Variants in SESN1 observed in about 807,000 individuals in gnomAD.
The protein encoded by SESN1 is sestrin-1.
In SESN1, 30 loss-of-function variants were observed where a neutral mutation model predicts 59.3. That is an observed-to-expected ratio of 0.51 (90% CI 0.38 to 0.69). The LOEUF (loss-of-function observed/expected upper bound fraction) is 0.69. Among genes scored for constraint, SESN1 ranks in the 30% least tolerant of loss-of-function variants. SESN1 has a pLI of 0.00. For missense variants in SESN1, 566 were observed against 673.0 expected, an observed-to-expected ratio of 0.84 and a Z score of 1.76; for synonymous variants, 197 against 219.9, an observed-to-expected ratio of 0.90 and a Z score of 0.92.
chr6:109,057,373 A>C (rs1161069496), intron 1 of SESN1, among the ~76,000 whole-genome samples: 2 of 152,234 alleles, frequency 1.3e-5, no homozygotes, highest in South Asian at 2.1e-4. Flanking sequence ...AGGATGGCAG[A>C]GGGCTTTTAT....
Position 108,985,882 on chromosome 6 carries a change from T to C in SESN1, c.*1662A>G. On this transcript the variant is annotated 3_prime_UTR_variant, in exon 10 of 10. Transcript: ENST00000436639. ...AGTAAGTTTCTTTAAATATAAAACA[T>C]ATTGAAGATAATAATACTCTATTCC... is the stretch of plus-strand genomic sequence containing the variant. Among the ~76,000 whole-genome samples, 1 of 152,214 alleles carries C rather than the reference T, an allele frequency of 6.6e-6. No individual in the cohort carries two copies. Among genetic ancestry groups the C allele is most frequent in the East Asian group, 1.9e-4 (1 of 5,184 alleles).
At chr6:109,061,372 T>A (rs1042844272) in intron 1 of SESN1, among the ~76,000 whole-genome samples, 7 of 152,254 alleles carry the variant, frequency 4.6e-5, no homozygotes, top group African/African-American at 1.7e-4. Flanking sequence ...ATAAAAATTT[T>A]AAATTTTGAA....
chr6:109,091,708 T>C (rs1398750466), intron 1 of SESN1, among the ~76,000 whole-genome samples: 4 of 152,258 alleles, frequency 2.6e-5, no homozygotes, highest in South Asian at 2.1e-4. Flanking sequence ...TTTACTTCTT[T>C]ATGGTCTGTT....
chr6:109,069,522 GAA>G (rs35964733), intron 1 of SESN1, among the ~76,000 whole-genome samples: 1 of 151,900 alleles, frequency 6.6e-6, no homozygotes, highest in East Asian at 1.9e-4. Flanking sequence ...TCATGGGCCA[GAA>G]AACTTAATTC....
chr6:108,987,738 A>T, intron 9 of SESN1, 108 bp from the exon 10 acceptor site: 1 of 591,466 alleles, frequency 1.7e-6, no homozygotes, highest in African/African-American at 1.9e-5. Flanking sequence ...TACACTTCCT[A>T]TGTAGTACAG....
chr6:109,064,190 C>A (rs536474305), intron 1 of SESN1, among the ~76,000 whole-genome samples: 38 of 152,118 alleles, frequency 2.5e-4, no homozygotes, highest in Non-Finnish European at 4.6e-4. Flanking sequence ...CCCCACTGCC[C>A]CCTTTTTTTC....
rs148045407 is a variant in SESN1 at position 109,053,046 on chromosome 6, A to ATGTG, written c.279+40745_279+40748dup. Among the ~76,000 whole-genome samples, 816 of 147,408 alleles carry ATGTG rather than the reference A, an allele frequency of 5.5e-3. 6 individuals are homozygous for ATGTG. Among genetic ancestry groups the ATGTG allele is most frequent in the African/African-American group, 0.02 (770 of 39,088 alleles). ...ATAAAAGGAGCTGTTCAAGACTAGG[A>ATGTG]TGTGTGTGTGTGTGTGTGTGCGTGC... On this transcript the variant is annotated intron_variant, in intron 1 of 9. Coordinates refer to ENST00000436639, the MANE Select transcript of SESN1 (RefSeq NM_014454.3).
At chr6:108,994,695 TATC>T in intron 5 of SESN1, 86 bp from the exon 6 acceptor site, 1 of 770,610 alleles carries the variant, frequency 1.3e-6, no homozygotes, top group Non-Finnish European at 1.8e-6. Flanking sequence ...TAAGAATTTA[TATC>T]TTTTTTTTTT....
chr6:108,987,539 A>T lies in SESN1; in HGVS notation c.*5T>A, dbSNP rs770953684. 2.0e-6 allele frequency: 3 copies of T among 1,523,534 alleles called. No individual in the cohort carries two copies. Among genetic ancestry groups the T allele is most frequent in the Non-Finnish European group, 2.7e-6 (3 of 1,099,194 alleles). 94.4% of individuals were successfully genotyped at this position (1,523,534 alleles called of 1,614,324 possible). On this transcript the variant is annotated 3_prime_UTR_variant, in exon 10 of 10. Transcript: ENST00000436639. The stretch of plus-strand genomic sequence containing the variant: ...TCCAGAATCATCTTTAATGAAGGAA[A>T]GGCATCAGGTCATATAGCGGGTAAT...
chr6:109,040,009 T>C (rs1206849422), intron 1 of SESN1, among the ~76,000 whole-genome samples: 1 of 152,206 alleles, frequency 6.6e-6, no homozygotes, highest in African/African-American at 2.4e-5. Context: ...TGAGAGAATG[T>C]GTATGGCTGA....
At chr6:109,075,608 ACAT>A (rs1375054597) in intron 1 of SESN1, among the ~76,000 whole-genome samples, 4 of 152,198 alleles carry the variant, frequency 2.6e-5, no homozygotes, top group African/African-American at 7.2e-5. Context: ...ACTGAATCTT[ACAT>A]CATCTGAATG....
At chr6:109,006,727 C>A (rs947195795) in intron 1 of SESN1, among the ~76,000 whole-genome samples, 3 of 152,154 alleles carry the variant, frequency 2.0e-5, no homozygotes, top group Non-Finnish European at 2.9e-5. Context: ...TTCTGGAAAA[C>A]TCACTTTTGA....
At chr6:109,080,141 TAG>T (rs1441104386) in intron 1 of SESN1, among the ~76,000 whole-genome samples, 2 of 152,142 alleles carry the variant, frequency 1.3e-5, no homozygotes, top group Non-Finnish European at 2.9e-5. Context: ...ACTTTTCCAC[TAG>T]AGTTACTTGT....
At chr6:108,988,856 AG>A (rs1779277582) in intron 8 of SESN1, among the ~76,000 whole-genome samples, 169 bp from the exon 9 acceptor site, 1 of 152,226 alleles carries the variant, frequency 6.6e-6, no homozygotes, top group Non-Finnish European at 1.5e-5. Context: ...GTGAGTATAA[AG>A]GGATAAGAAA....
At chr6:109,018,736 G>A (rs1049756577) in intron 1 of SESN1, among the ~76,000 whole-genome samples, 4 of 152,052 alleles carry the variant, frequency 2.6e-5, no homozygotes, top group Admixed American at 6.6e-5. Flanking sequence ...TAACTGCAGC[G>A]TATCTTGAGA....
At chr6:109,051,614 T>G (rs542558715) in intron 1 of SESN1, among the ~76,000 whole-genome samples, 1 of 152,360 alleles carries the variant, frequency 6.6e-6, no homozygotes, top group Admixed American at 6.5e-5. Context: ...TGGTTTTCTT[T>G]TTTTCTGTAA....
chr6:109,091,313 T>C (rs1781314346), intron 1 of SESN1, among the ~76,000 whole-genome samples: 1 of 152,052 alleles, frequency 6.6e-6, no homozygotes, highest in Non-Finnish European at 1.5e-5. Flanking sequence ...GTGTGTAGTA[T>C]CTAGGTTTGT....
intron 1 of SESN1, among the ~76,000 whole-genome samples, chr6:109,064,696 G>T (rs1780792870): frequency 1.1e-5 from 1 of 90,424 alleles, no homozygotes; most frequent in Non-Finnish European, 2.3e-5. Context: ...GGGAGAGAGA[G>T]AGAGGGAGAG....
rs1245230104 is a variant in SESN1 at position 109,094,844 on chromosome 6, A to AGCTGGCGGGGCGGCGGG, written c.-772_-771insCCCGCCGCCCCGCCAGC. Reference sequence around the variant, plus strand: ...CCTCGAGCGCCAGGCTGGGCCGCGGAGCTGGCGGGGCGGCGGGGCCCGAGG... The same window carrying AGCTGGCGGGGCGGCGGG: ...CCTCGAGCGCCAGGCTGGGCCGCGGAGCTGGCGGGGCGGCGGGGCTGGCGGGGCGGCGGGGCCCGAGG... On this transcript the variant is annotated 5_prime_UTR_variant, in exon 1 of 10. Transcript: ENST00000436639. The AGCTGGCGGGGCGGCGGG allele has an allele frequency of 6.6e-6, 1 of 152,392 alleles. No homozygotes were observed. The highest frequency in any genetic ancestry group is 1.5e-5 in the Non-Finnish European group (1 of 68,238). 9.4% of individuals were successfully genotyped at this position (152,392 alleles called of 1,614,324 possible).
Sources: gnomAD v4.1 joint callset for allele counts (sites outside exome capture counted in the v4.1 genomes callset) on GRCh38, gnomAD v4.1.1 for gene constraint, MANE v1.5 for transcripts, NCBI Gene and HGNC (gene_info 2026-07-23, HGNC 2026-07-21) for gene names.